HOXB13: variants seen among roughly 807,000 people sequenced by gnomAD.
HOXB13 encodes homeobox protein Hox-B13.
Under a neutral mutation model 23.1 loss-of-function variants are expected in HOXB13, and 22 were observed. The observed-to-expected ratio is 0.95, with a 90% CI of 0.68 to 1.36. The LOEUF (loss-of-function observed/expected upper bound fraction) is 1.36, where lower values mean the gene tolerates loss of function less well. Among genes scored for constraint, HOXB13 ranks in the 40% most tolerant of loss-of-function variants. The probability of loss-of-function intolerance (pLI) is 0.00; values close to 1 mark genes in which losing one functional copy is unlikely to be tolerated. For synonymous variants in HOXB13, 173 were observed against 157.9 expected, an observed-to-expected ratio of 1.10 and a Z score of -0.72; for missense variants, 386 against 376.2, an observed-to-expected ratio of 1.03 and a Z score of -0.22.
intron 1 of HOXB13, 112 bp from the exon 2 acceptor site, chr17:48,727,155 C>A: frequency 7.5e-7 from 1 of 1,324,820 alleles, no homozygotes; most frequent in East Asian, 2.4e-5. Flanking sequence ...ACAGGTCACC[C>A]TACAGGCGCA....
At position 48,728,214 on chromosome 17, in the gene HOXB13, A is replaced by C; in HGVS notation, c.380T>G (p.Phe127Cys). Residue 127 changes from phenylalanine to cysteine, a missense_variant, in exon 1 of 2, where the codon TTT (phenylalanine) becomes TGT (cysteine). Transcript: ENST00000290295. ...TCCCGGATATCCCGGATAGAAGGCA[A>C]ACTCAGTGGGGCGGCTGGGGTACTC... Reference protein sequence around the residue: ...GEEYPSRPTEFAFYPGYPGTY... With the variant: ...GEEYPSRPTECAFYPGYPGTY... The C allele has an allele frequency of 6.2e-7, 1 of 1,614,174 alleles. No individual in the cohort carries two copies. Among genetic ancestry groups the C allele is most frequent in the East Asian group, 2.2e-5 (1 of 44,866 alleles).
chr17:48,728,598 C>T lies in HOXB13; in HGVS notation c.-5G>A, dbSNP rs1567701739. On this transcript the variant is annotated 5_prime_UTR_variant, in exon 1 of 2. Coordinates refer to ENST00000290295, the MANE Select transcript of HOXB13 (RefSeq NM_006361.6). ...GGCATAATTGCCGGGCTCCATGGAG[C>T]CGAGGGTCGGCTCATGAGGTGCGGG... is the stretch of plus-strand genomic sequence containing the variant. 2 of 1,611,478 alleles carry T rather than the reference C, an allele frequency of 1.2e-6. No individual in the cohort carries two copies. Among genetic ancestry groups the T allele is most frequent in the Non-Finnish European group, 8.5e-7 (1 of 1,179,820 alleles).
intron 1 of HOXB13, 70 bp from the exon 2 acceptor site, chr17:48,727,113 A>G (rs2038220825): frequency 6.4e-7 from 1 of 1,566,346 alleles, no homozygotes; most frequent in African/African-American, 1.3e-5. Flanking sequence ...CAGGCCTTGC[A>G]AGCCCCAAGC....
At position 48,726,608 on chromosome 17, in the gene HOXB13, C is replaced by T; in HGVS notation, c.*182G>A. 1.5e-6 allele frequency: 1 copy of T among 685,352 alleles called. No homozygotes were observed. The highest frequency in any genetic ancestry group is 2.4e-6 in the Non-Finnish European group (1 of 414,338). The allele number at this position is 685,352 out of a possible 1,614,324, so 42.5% of individuals were successfully genotyped here. ...TGGGCTGTCACATGGGGTTCCGTCT[C>T]CCTGCACATACTGGGTACCCAGGCC... is the stretch of plus-strand genomic sequence containing the variant. On this transcript the variant is annotated 3_prime_UTR_variant, in exon 2 of 2. Coordinates refer to ENST00000290295, the MANE Select transcript of HOXB13 (RefSeq NM_006361.6).
rs1198706503 is a variant in HOXB13 at position 48,726,199 on chromosome 17, C to G, written c.*591G>C. On this transcript the variant is annotated 3_prime_UTR_variant, in exon 2 of 2. Transcript: ENST00000290295. ...TGCTTCCAAGACCAGTGGGTACACC[C>G]TATGGGGTGGACAAGGAGGGAGGAA... 1.9e-5 allele frequency: 3 copies of G among 153,990 alleles called. No individual in the cohort carries two copies. Among genetic ancestry groups the G allele is most frequent in the Admixed American group, 1.9e-4 (3 of 15,622 alleles). The allele number at this position is 153,990 out of a possible 1,614,324, so 9.5% of individuals were successfully genotyped here.
rs1319038051 is a variant in HOXB13, at chr17:48,728,513, C to T, written c.81G>A (p.Leu27=). 1 of 1,613,372 alleles carries T rather than the reference C, an allele frequency of 6.2e-7. No homozygotes were observed. Among genetic ancestry groups the T allele is most frequent in the Admixed American group, 1.7e-5 (1 of 60,020 alleles). The change falls in exon 1 of 2, where the codon CTG becomes CTA. Residue 27 remains leucine (L), a synonymous_variant. Transcript: ENST00000290295. Reference sequence around the variant, plus strand: ...GGCTGGTCAGAGGGGAGTGGGCGACCAGATTCCGCCCCCCTCCCGCTCCCA... The same window carrying T: ...GGCTGGTCAGAGGGGAGTGGGCGACTAGATTCCGCCCCCCTCCCGCTCCCA... ...GLLGAGGGRN[L]VAHSPLTSHP... is the part of the protein sequence containing the mutation.
At position 48,726,903 on chromosome 17, in the gene HOXB13, T is replaced by C. The variant is rs1243575757; in HGVS notation, c.742A>G (p.Lys248Glu). Residue 248 changes from lysine to glutamate, a missense_variant, in exon 2 of 2, where the codon AAG (lysine) becomes GAG (glutamate). Transcript: ENST00000290295. ...GAGAGGCTGGTGGCTGCCGAGATCT[T>C]GCGCCTCTTGTCCTTGGTGATGAAC... ...NKFITKDKRR[K>E]ISAATSLSER... The C allele has an allele frequency of 6.2e-7, 1 of 1,614,062 alleles. No individual in the cohort carries two copies. Among genetic ancestry groups the C allele is most frequent in the East Asian group, 2.2e-5 (1 of 44,874 alleles).
rs1597932386 is a variant in HOXB13 at position 48,726,797 on chromosome 17, G to A, written c.848C>T (p.Thr283Ile). ...CCCAGGCAAGGAGATCTCTTAAGGGGTAGCGCTGTTCTTCACCTTGGCGAG... is the reference window on the plus strand; with the variant it reads ...CCCAGGCAAGGAGATCTCTTAAGGGATAGCGCTGTTCTTCACCTTGGCGAG... ...KVLAKVKNSA[T>I]P The change falls in exon 2 of 2, where the codon ACC becomes ATC. Residue 283 changes from threonine (T) to isoleucine (I), a missense_variant. Transcript: ENST00000290295. 6.2e-7 allele frequency: 1 copy of A among 1,614,098 alleles called. No individual in the cohort carries two copies. The highest frequency in any genetic ancestry group is 8.5e-7 in the Non-Finnish European group (1 of 1,180,010).
Position 48,728,306 on chromosome 17 carries a change from C to G in HOXB13, c.288G>C (p.Ser96=), listed in dbSNP as rs767708021. The G allele has an allele frequency of 6.2e-7, 1 of 1,614,120 alleles. No individual in the cohort carries two copies. The highest frequency in any genetic ancestry group is 1.1e-5 in the South Asian group (1 of 91,078). Residue 96 remains serine (S), a synonymous_variant, in exon 1 of 2, where the codon TCG becomes TCC. Coordinates refer to ENST00000290295, the MANE Select transcript of HOXB13 (RefSeq NM_006361.6). The part of the protein sequence containing the change: ...GYYSCRVSRS[S]LKPCAQAATL... ...TGGCTGCCTGGGCACAGGGTTTCAG[C>G]GAGCTCCGGGACACTCGGCAGGAGT...
Position 48,728,585 on chromosome 17 carries a change from G to C in HOXB13, c.9C>G (p.Pro3=), listed in dbSNP as rs1597935416. The C allele has an allele frequency of 6.2e-7, 1 of 1,611,946 alleles. No individual in the cohort carries two copies. The highest frequency in any genetic ancestry group is 8.5e-7 in the Non-Finnish European group (1 of 1,179,878). The change falls in exon 1 of 2, where the codon CCC becomes CCG. Residue 3 remains proline (P), a synonymous_variant. Transcript: ENST00000290295. ME[P]GNYATLDGAK... is the part of the protein sequence containing the mutation. ...CTCCATCCAAGGTGGCATAATTGCC[G>C]GGCTCCATGGAGCCGAGGGTCGGCT...
In HOXB13 at chr17:48,726,756, A is replaced by G; in HGVS notation, c.*34T>C. On this transcript the variant is annotated 3_prime_UTR_variant, in exon 2 of 2. Transcript: ENST00000290295. ...TTCCTGGTCTCCCCAGGACACCCCC[A>G]CTTTCGCTCCTCCCACCCAGGCAAG... 1.2e-6 allele frequency: 2 copies of G among 1,608,652 alleles called. No individual in the cohort carries two copies. The highest frequency in any genetic ancestry group is 2.2e-5 in the East Asian group (1 of 44,796).
chr17:48,728,560 C>T lies in HOXB13; in HGVS notation c.34G>A (p.Ala12Thr), dbSNP rs1567701707. The change falls in exon 1 of 2, where the codon GCC becomes ACC. Residue 12 changes from alanine (A) to threonine (T), a missense_variant. Physicochemically the swap from Ala to Thr is moderately conservative, Grantham distance 58 (BLOSUM62 0). Transcript: ENST00000290295. ...CCCAGCAAGCCTTCGATATCCTTGG[C>T]TCCATCCAAGGTGGCATAATTGCCG... The part of the protein sequence containing the change: ...EPGNYATLDG[A>T]KDIEGLLGAG... The T allele has an allele frequency of 1.9e-6, 3 of 1,612,846 alleles. No homozygotes were observed. The highest frequency in any genetic ancestry group is 2.2e-5 in the East Asian group (1 of 44,866).
rs1316440926 is a variant in HOXB13, at chr17:48,726,429, A to T, written c.*361T>A. On this transcript the variant is annotated 3_prime_UTR_variant, in exon 2 of 2. Coordinates refer to ENST00000290295, the MANE Select transcript of HOXB13 (RefSeq NM_006361.6). ...TCCAAATTTATTCATAATTAGCTCAATTCATGAAAGCGGTTTCTAAAGTGC... is the reference window on the plus strand; with the variant it reads ...TCCAAATTTATTCATAATTAGCTCATTTCATGAAAGCGGTTTCTAAAGTGC... 4.7e-6 allele frequency: 1 copy of T among 213,222 alleles called. No homozygotes were observed. The highest frequency in any genetic ancestry group is 1.0e-4 in the East Asian group (1 of 9,578). 13.2% of individuals were successfully genotyped at this position (213,222 alleles called of 1,614,324 possible).
chr17:48,728,095 C>T lies in HOXB13; in HGVS notation c.499G>A (p.Asp167Asn), dbSNP rs587780164. The T allele has an allele frequency of 1.6e-5, 26 of 1,614,106 alleles. No homozygotes were observed. The highest frequency in any genetic ancestry group is 2.1e-5 in the Non-Finnish European group (25 of 1,180,054). The change falls in exon 1 of 2, where the codon GAC becomes AAC. Residue 167 changes from aspartate (D) to asparagine (N), a missense_variant. Transcript: ENST00000290295. Reference protein sequence around the residue: ...EPRHDSLLPVDSYQSWALAGG... With the variant: ...EPRHDSLLPVNSYQSWALAGG... ...GCGAGAGCCCAAGACTGGTAACTGT[C>T]CACAGGCAACAGGGAGTCATGTCGC...
At position 48,726,698 on chromosome 17, in the gene HOXB13, C is replaced by G; in HGVS notation, c.*92G>C. On this transcript the variant is annotated 3_prime_UTR_variant, in exon 2 of 2. Transcript: ENST00000290295. Reference sequence around the variant, plus strand: ...GGTGTTGTCTCTAGGGGCCTCTCAGCAGAGTCCTTGGCCCCAGCCTGGGCT... The same window carrying G: ...GGTGTTGTCTCTAGGGGCCTCTCAGGAGAGTCCTTGGCCCCAGCCTGGGCT... The G allele has an allele frequency of 6.7e-7, 1 of 1,496,034 alleles. No individual in the cohort carries two copies. The highest frequency in any genetic ancestry group is 9.1e-7 in the Non-Finnish European group (1 of 1,104,626). 92.7% of individuals were successfully genotyped at this position (1,496,034 alleles called of 1,614,324 possible).
Position 48,726,840 on chromosome 17 carries a change from C to CATGCG in HOXB13, c.804_805insCGCAT (p.Val269ArgfsTer12). Reference sequence around the variant, plus strand: ...TTGGCGAGAACCTTCTTCTCTTTGACCCGGCGGTTCTGAAACCAGATGGTA... The same window carrying CATGCG: ...TTGGCGAGAACCTTCTTCTCTTTGACATGCGCCGGCGGTTCTGAAACCAGATGGTA... On this transcript the variant is annotated frameshift_variant, in exon 2 of 2. Transcript: ENST00000290295. LOFTEE classifies it high-confidence loss of function. 6.2e-7 allele frequency: 1 copy of CATGCG among 1,614,178 alleles called. No individual in the cohort carries two copies. Among genetic ancestry groups the CATGCG allele is most frequent in the Non-Finnish European group, 8.5e-7 (1 of 1,180,036 alleles).
chr17:48,728,270 C>G lies in HOXB13; in HGVS notation c.324G>C (p.Ala108=), dbSNP rs768311961. The change falls in exon 1 of 2, where the codon GCG becomes GCC. Residue 108 remains alanine, a synonymous_variant. Transcript: ENST00000290295. ...KPCAQAATLA[A]YPAETPTAGE... ...CGGCCGTGGGAGTCTCCGCGGGGTA[C>G]GCGGCCAGGGTGGCTGCCTGGGCAC... is the stretch of plus-strand genomic sequence containing the variant. 3 of 1,614,148 alleles carry G rather than the reference C, an allele frequency of 1.9e-6. No individual in the cohort carries two copies. The highest frequency in any genetic ancestry group is 1.7e-6 in the Non-Finnish European group (2 of 1,180,040).
In HOXB13 at chr17:48,728,131, G is replaced by A; in HGVS notation, c.463C>T (p.Pro155Ser). Reference sequence around the variant, plus strand: ...AGGGAGTCATGTCGCGGTTCTCCAGGAGCACCCAGAGTCTGCACCACAGAC... The same window carrying A: ...AGGGAGTCATGTCGCGGTTCTCCAGAAGCACCCAGAGTCTGCACCACAGAC... ...DVSVVQTLGA[P>S]GEPRHDSLLP... is the part of the protein sequence containing the mutation. The change falls in exon 1 of 2, where the codon CCT becomes TCT. Residue 155 changes from proline to serine, a missense_variant. Physicochemically the swap from Pro to Ser is moderately conservative, Grantham distance 74. Coordinates refer to ENST00000290295, the MANE Select transcript of HOXB13 (RefSeq NM_006361.6). 6.2e-7 allele frequency: 1 copy of A among 1,614,170 alleles called. No individual in the cohort carries two copies.
Position 48,726,996 on chromosome 17 carries a change from G to A in HOXB13, c.649C>T (p.Arg217Cys), listed in dbSNP as rs139475791. 404 of 1,611,558 alleles carry A rather than the reference G, an allele frequency of 2.5e-4. No individual in the cohort carries two copies. Among genetic ancestry groups the A allele is most frequent in the Non-Finnish European group, 3.3e-4 (386 of 1,180,000 alleles). The part of the protein sequence containing the change: ...PPDACAFRRG[R>C]KKRIPYSKGQ... ...TTGCTGTACGGAATGCGTTTCTTGC[G>A]GCCGCGACGAAAGGCGCAGGCGTCA... The change falls in exon 2 of 2, where the codon CGC becomes TGC. Residue 217 changes from arginine (R) to cysteine (C), a missense_variant. Physicochemically the swap from Arg to Cys is radical, Grantham distance 180. Transcript: ENST00000290295.
Sources: allele counts gnomAD v4.1 joint callset, GRCh38; gene constraint gnomAD v4.1.1; transcripts MANE v1.5; gene names NCBI Gene and HGNC (gene_info 2026-07-23, HGNC 2026-07-21).